Variants in ONECUT3 observed in about 807,000 individuals in gnomAD.
The protein encoded by ONECUT3 is one cut domain family member 3.
A neutral mutation model predicts 16.8 loss-of-function variants in ONECUT3; 11 were observed. The observed-to-expected ratio is 0.66, with a 90% CI of 0.41 to 1.09. The LOEUF (loss-of-function observed/expected upper bound fraction) is 1.09. ONECUT3 is among the 50% of genes least tolerant of loss of function. ONECUT3 has a pLI of 0.00. For missense variants in ONECUT3, 637 were observed against 629.9 expected (o/e 1.01, Z -0.12); for synonymous variants, 344 against 310.7 (o/e 1.11, Z -1.13).
At position 1,780,916 on chromosome 19, in the gene ONECUT3, G is replaced by A. The variant is rs1465491939; in HGVS notation, c.*5471G>A. ...ACCCTCCAAAGTCCCCTCCCCTCCAGGGACAGGGGAGAGAAGCCCTTTTCC... is the reference window on the plus strand; with the variant it reads ...ACCCTCCAAAGTCCCCTCCCCTCCAAGGACAGGGGAGAGAAGCCCTTTTCC... On this transcript the variant is annotated 3_prime_UTR_variant, in exon 2 of 2. Transcript: ENST00000382349. 6.6e-6 allele frequency: 1 copy of A among 150,940 alleles called. No homozygotes were observed. Among genetic ancestry groups the A allele is most frequent in the Non-Finnish European group, 1.5e-5 (1 of 67,940 alleles). The allele number at this position is 150,940 out of a possible 1,614,324, so 9.4% of individuals were successfully genotyped here. A position where few individuals can be genotyped will look rare whatever the true frequency, so the allele number is the denominator to read the frequency against.
chr19:1,754,105 C>T lies in ONECUT3; in HGVS notation c.443C>T (p.Ala148Val). ...GGHPHAHPHP[A>V]AAPPPPPPPQ... ...CATCCCCACGCGCACCCGCACCCGG[C>T]GGCCGCGCCGCCCCCGCCACCCCCG... Residue 148 changes from alanine to valine, a missense_variant, in exon 1 of 2, where the codon GCG (alanine) becomes GTG (valine). By Grantham distance (64) the Ala-to-Val change is moderately conservative (BLOSUM62 0). This residue lies in a region of ONECUT3 where 419 missense variants were observed against 377.9 expected (regional missense o/e 1.11). Coordinates refer to ENST00000382349, the MANE Select transcript of ONECUT3 (RefSeq NM_001080488.2). The surrounding 1 kb of genome is among the most constrained non-coding windows in gnomAD (Gnocchi z 7.4). 2 of 1,017,904 alleles carry T rather than the reference C, an allele frequency of 2.0e-6. No homozygotes were observed. The highest frequency in any genetic ancestry group is 1.2e-6 in the Non-Finnish European group (1 of 853,966). 63.1% of individuals were successfully genotyped at this position (1,017,904 alleles called of 1,614,324 possible).
intron 1 of ONECUT3, among the ~76,000 whole-genome samples, chr19:1,763,184 C>T (rs1256016490): frequency 6.6e-6 from 1 of 151,450 alleles, no homozygotes; most frequent in East Asian, 1.9e-4. Flanking sequence ...GCCAACACGG[C>T]GAAACCCCAT....
Position 1,754,225 on chromosome 19 carries a change from AC to A in ONECUT3, c.564del (p.Tyr188Ter). The A allele has an allele frequency of 8.9e-7, 1 of 1,119,240 alleles. No homozygotes were observed. Among genetic ancestry groups the A allele is most frequent in the South Asian group, 2.5e-5 (1 of 39,958 alleles). 69.3% of individuals were successfully genotyped at this position (1,119,240 alleles called of 1,614,324 possible). A position where few individuals can be genotyped will look rare whatever the true frequency, so the allele number is the denominator to read the frequency against. On this transcript the variant is annotated frameshift_variant, in exon 1 of 2. Transcript: ENST00000382349. LOFTEE classifies it high-confidence loss of function. The surrounding 1 kb of genome is among the most constrained non-coding windows in gnomAD (Gnocchi z 7.4). ...LASVGHLYGP[Y>X]GKELPAMGSP... ...TCCGTGGGCCACCTCTACGGACCCT[AC>A]GGCAAGGAGCTGCCCGCCATGGGGT...
In ONECUT3 at chr19:1,766,166, C is replaced by T. The variant is rs1346768702; in HGVS notation, c.1193-8987C>T. On this transcript the variant is annotated intron_variant, in intron 1 of 1. Coordinates refer to ENST00000382349, the MANE Select transcript of ONECUT3 (RefSeq NM_001080488.2). This position sits in a 1 kb window ranked among gnomAD's most constrained non-coding sequence, Gnocchi z 4.0. ...GCTGCCGACCCCCATCGTGGTTGAG[C>T]GCCCGTGCAGGCGCCACCCACCCAC... 6.6e-6 allele frequency among the ~76,000 whole-genome samples: 1 copy of T among 152,258 alleles called. No individual in the cohort carries two copies.
In ONECUT3 at chr19:1,754,411, C is replaced by A; in HGVS notation, c.749C>A (p.Ala250Glu). Reference sequence around the variant, plus strand: ...CCCGCCGCCTTCGAGCCGCACGCCGCGCTGCTGGGACGCGCGGAGGACGCA... The same window carrying A: ...CCCGCCGCCTTCGAGCCGCACGCCGAGCTGCTGGGACGCGCGGAGGACGCA... ...LPPAAFEPHA[A>E]LLGRAEDALA... Residue 250 changes from alanine (A) to glutamate (E), a missense_variant, in exon 1 of 2, where the codon GCG (alanine) becomes GAG (glutamate). This residue lies in a region of ONECUT3 where 419 missense variants were observed against 377.9 expected (regional missense o/e 1.11). Coordinates refer to ENST00000382349, the MANE Select transcript of ONECUT3 (RefSeq NM_001080488.2). The surrounding 1 kb of genome is among the most constrained non-coding windows in gnomAD (Gnocchi z 7.4). 1 of 1,077,808 alleles carries A rather than the reference C, an allele frequency of 9.3e-7. No individual in the cohort carries two copies. The highest frequency in any genetic ancestry group is 1.1e-6 in the Non-Finnish European group (1 of 883,698). 66.8% of individuals were successfully genotyped at this position (1,077,808 alleles called of 1,614,324 possible).
In ONECUT3 at chr19:1,777,343, T is replaced by G. The variant is rs1353809387; in HGVS notation, c.*1898T>G. 1.3e-5 allele frequency: 2 copies of G among 151,126 alleles called. No individual in the cohort carries two copies. The highest frequency in any genetic ancestry group is 1.5e-5 in the Non-Finnish European group (1 of 67,508). 9.4% of individuals were successfully genotyped at this position (151,126 alleles called of 1,614,324 possible). A position where few individuals can be genotyped will look rare whatever the true frequency, so the allele number is the denominator to read the frequency against. Reference sequence around the variant, plus strand: ...AGACACACACATGCAGGCACTCACATGCAGGCCCATGCACACACACGTGCA... The same window carrying G: ...AGACACACACATGCAGGCACTCACAGGCAGGCCCATGCACACACACGTGCA... On this transcript the variant is annotated 3_prime_UTR_variant, in exon 2 of 2. Transcript: ENST00000382349.
intron 1 of ONECUT3, among the ~76,000 whole-genome samples, chr19:1,763,414 T>A (rs887530279): frequency 8.3e-6 from 1 of 121,208 alleles, no homozygotes; most frequent in South Asian, 2.7e-4. Flanking sequence ...GATGTGGTGG[T>A]GTACATCTGT....
At chr19:1,763,800 C>A (rs2067961865) in intron 1 of ONECUT3, among the ~76,000 whole-genome samples, 1 of 150,064 alleles carries the variant, frequency 6.7e-6, no homozygotes, top group African/African-American at 2.4e-5. Flanking sequence ...CGGCTCAGAT[C>A]CGTGAAGCGC....
At position 1,775,403 on chromosome 19, in the gene ONECUT3, CG is replaced by C. The variant is rs1568603892; in HGVS notation, c.1448del (p.Gly483AlafsTer128). 2 of 1,496,042 alleles carry C rather than the reference CG, an allele frequency of 1.3e-6. No individual in the cohort carries two copies. Among genetic ancestry groups the C allele is most frequent in the African/African-American group, 1.4e-5 (1 of 68,974 alleles). 92.7% of individuals were successfully genotyped at this position (1,496,042 alleles called of 1,614,324 possible). A position where few individuals can be genotyped will look rare whatever the true frequency, so the allele number is the denominator to read the frequency against. ...RWAEEPSTAPGGPAGATATFS... is the reference protein window; with the variant it reads ...RWAEEPSTAPXGPAGATATFS... ...GGGCTGAGGAGCCCAGCACGGCCCC[CG>C]GGGGCCCCGCCGGCGCCACGGCCAC... On this transcript the variant is annotated frameshift_variant, in exon 2 of 2. Coordinates refer to ENST00000382349, the MANE Select transcript of ONECUT3 (RefSeq NM_001080488.2). LOFTEE classifies it high-confidence loss of function.
At chr19:1,761,637 G>C (rs561043646) in intron 1 of ONECUT3, among the ~76,000 whole-genome samples, 1 of 152,214 alleles carries the variant, frequency 6.6e-6, no homozygotes, top group African/African-American at 2.4e-5. Flanking sequence ...CGGCTTACCC[G>C]GGAGAGCTGG....
rs62127661 is a variant in ONECUT3, at chr19:1,778,789, C to G, written c.*3344C>G. The G allele has an allele frequency of 0.027, 4,070 of 151,828 alleles. 75 individuals carry two copies. The highest frequency in any genetic ancestry group is 0.046 in the African/African-American group (1,912 of 41,222). The allele number at this position is 151,828 out of a possible 1,614,324, so 9.4% of individuals were successfully genotyped here. A position where few individuals can be genotyped will look rare whatever the true frequency, so the allele number is the denominator to read the frequency against. On this transcript the variant is annotated 3_prime_UTR_variant, in exon 2 of 2. Transcript: ENST00000382349. ...GAGTTTGAGACCAGCCTGGGCAACA[C>G]AGCAAGACCCCACTTCTACAAAAAA...
At chr19:1,757,614 G>A (rs927598726) in intron 1 of ONECUT3, among the ~76,000 whole-genome samples, 3 of 152,072 alleles carry the variant, frequency 2.0e-5, no homozygotes, top group Non-Finnish European at 4.4e-5. Flanking sequence ...TCAACCTTGC[G>A]CACCTGTCGC....
chr19:1,768,027 C>T (rs529616142), intron 1 of ONECUT3, among the ~76,000 whole-genome samples: 66 of 152,122 alleles, frequency 4.3e-4, no homozygotes, highest in African/African-American at 1.6e-3. Context: ...CAGAGCCTCT[C>T]GGGGGTGATT....
rs8100623 is a variant in ONECUT3 at position 1,759,876 on chromosome 19, C to T, written c.1192+5022C>T. Among the ~76,000 whole-genome samples the T allele has an allele frequency of 0.71, 108,616 of 151,972 alleles. 39,308 individuals carry two copies. The highest frequency in any genetic ancestry group is 0.84 in the African/African-American group (34,659 of 41,478). On this transcript the variant is annotated intron_variant, in intron 1 of 1. Transcript: ENST00000382349. This position sits in a 1 kb window ranked among gnomAD's most constrained non-coding sequence, Gnocchi z 4.1. ...TAGACCGAGACCGTGCCCAGGGCCA[C>T]GAGAACCAGACCCACGTGGGGCTGC... is the stretch of plus-strand genomic sequence containing the variant.
intron 1 of ONECUT3, among the ~76,000 whole-genome samples, chr19:1,768,971 ATGGAGGTGGAAG>A (rs1161949978): frequency 3.2e-4 from 35 of 108,444 alleles, no homozygotes; most frequent in Non-Finnish European, 5.6e-4. Context: ...GGTGGAGGTA[ATGGAGGTGGAAG>A]TGGAGGTGGA....
Position 1,778,887 on chromosome 19 carries a change from C to CACACACAT in ONECUT3, c.*3449_*3450insTACACACA, listed in dbSNP as rs1555801751. 2.7e-5 allele frequency: 4 copies of CACACACAT among 150,490 alleles called. No homozygotes were observed. Among genetic ancestry groups the CACACACAT allele is most frequent in the African/African-American group, 9.9e-5 (4 of 40,548 alleles). 9.3% of individuals were successfully genotyped at this position (150,490 alleles called of 1,614,324 possible). On this transcript the variant is annotated 3_prime_UTR_variant, in exon 2 of 2. Coordinates refer to ENST00000382349, the MANE Select transcript of ONECUT3 (RefSeq NM_001080488.2). Reference sequence around the variant, plus strand: ...CGTATCACACACACACACACACACACACACACACACACACACACACACACA... The same window carrying CACACACAT: ...CGTATCACACACACACACACACACACACACACATACACACACACACACACACACACACA...
intron 1 of ONECUT3, among the ~76,000 whole-genome samples, chr19:1,767,584 C>A (rs2068004190): frequency 6.6e-6 from 1 of 152,226 alleles, no homozygotes; most frequent in Non-Finnish European, 1.5e-5. Context: ...CAGCCTACAG[C>A]CCCCGCCCTT....
rs886128126 is a variant in ONECUT3, at chr19:1,775,456, C to T, written c.*11C>T. 2 of 1,458,594 alleles carry T rather than the reference C, an allele frequency of 1.4e-6. No homozygotes were observed. The highest frequency in any genetic ancestry group is 3.0e-5 in the African/African-American group (2 of 66,776). 90.4% of individuals were successfully genotyped at this position (1,458,594 alleles called of 1,614,324 possible). On this transcript the variant is annotated 3_prime_UTR_variant, in exon 2 of 2. Transcript: ENST00000382349. ...TTCTCCAAGGCCTGAGGCGCCCCGG[C>T]CCCGCGCCCTCCCTGCCTCCACGGC...
chr19:1,775,273 G>A lies in ONECUT3; in HGVS notation c.1313G>A (p.Arg438Gln), dbSNP rs1444968801. 4.4e-6 allele frequency: 7 copies of A among 1,602,924 alleles called. No homozygotes were observed. Among genetic ancestry groups the A allele is most frequent in the Non-Finnish European group, 6.0e-6 (7 of 1,174,752 alleles). Reference sequence around the variant, plus strand: ...ATCGCCATCTTCAAGGAGAACAAGCGGCCGTCCAAGGAGATGCAGGTCACC... The same window carrying A: ...ATCGCCATCTTCAAGGAGAACAAGCAGCCGTCCAAGGAGATGCAGGTCACC... ...TLIAIFKENK[R>Q]PSKEMQVTIS... Residue 438 changes from arginine to glutamine, a missense_variant, in exon 2 of 2, where the codon CGG becomes CAG. This residue lies in a region of ONECUT3 where 183 missense variants were observed against 188.3 expected (regional missense o/e 0.97). Coordinates refer to ENST00000382349, the MANE Select transcript of ONECUT3 (RefSeq NM_001080488.2).
Sources: gnomAD v4.1 joint callset for allele counts (sites outside exome capture counted in the v4.1 genomes callset) on GRCh38, gnomAD v4.1.1 for gene constraint, gnomAD v4.1.1 regional missense constraint, Gnocchi (gnomAD v3.1) non-coding constraint, MANE v1.5 for transcripts, NCBI Gene and HGNC (gene_info 2026-07-23, HGNC 2026-07-21) for gene names.